MME: variants seen among roughly 807,000 people sequenced by gnomAD.
MME encodes membrane metalloendopeptidase.
A neutral mutation model predicts 113.2 loss-of-function variants in MME; 98 were observed. That is an observed-to-expected ratio of 0.87 (90% CI 0.74 to 1.02). The LOEUF (loss-of-function observed/expected upper bound fraction) is 1.02. Among genes scored for constraint, MME ranks in the 50% least tolerant of loss-of-function variants. The pLI is 0.00. For synonymous variants in MME, 292 were observed against 300.6 expected, an observed-to-expected ratio of 0.97 and a Z score of 0.30; for missense variants, 836 against 896.0, an observed-to-expected ratio of 0.93 and a Z score of 0.86.
intron 3 of MME, among the ~76,000 whole-genome samples, chr3:155,105,587 AG>A (rs1717617777): frequency 6.6e-6 from 1 of 152,216 alleles, no homozygotes; most frequent in African/African-American, 2.4e-5. Context: ...AACCCAAGGC[AG>A]TTTCACATAG....
intron 3 of MME, among the ~76,000 whole-genome samples, chr3:155,094,809 C>T (rs1304203800): frequency 6.6e-6 from 1 of 152,182 alleles, no homozygotes; most frequent in Non-Finnish European, 1.5e-5. Context: ...CTGCACTCAC[C>T]CTTGCCAGTA....
upstream of MME, chr3:155,080,097 G>C (rs1285809300): frequency 1.3e-5 from 2 of 153,018 alleles, no homozygotes; most frequent in East Asian, 3.9e-4. Context: ...GGAGGGCAGA[G>C]CCAGCCGAGG....
chr3:155,077,451 T>A (rs564302697), upstream of MME, among the ~76,000 whole-genome samples: 1 of 152,164 alleles, frequency 6.6e-6, no homozygotes, highest in Non-Finnish European at 1.5e-5. Flanking sequence ...CTGTAAATAG[T>A]TGGGGACTCT....
chr3:155,129,586 AG>A (rs1719970308), intron 8 of MME, among the ~76,000 whole-genome samples: 1 of 152,158 alleles, frequency 6.6e-6, no homozygotes, highest in Non-Finnish European at 1.5e-5. Context: ...CATCTCAGAA[AG>A]GGGCCCACAT....
intron 22 of MME, 110 bp downstream of exon 22, chr3:155,172,722 GCT>G: frequency 1.3e-6 from 1 of 747,868 alleles, no homozygotes; most frequent in South Asian, 1.6e-5. Context: ...GAAATTCAGT[GCT>G]TTTTTTTTTT....
intron 15 of MME, 40 bp downstream of exon 15, chr3:155,147,264 A>G (rs780576610): frequency 8.1e-7 from 1 of 1,237,074 alleles, no homozygotes; most frequent in East Asian, 2.3e-5. Flanking sequence ...ACTGATACTT[A>G]GGGCTGGTAG....
At chr3:155,110,041 G>C (rs141862680) in intron 3 of MME, among the ~76,000 whole-genome samples, 1 of 152,328 alleles carries the variant, frequency 6.6e-6, no homozygotes, top group Non-Finnish European at 1.5e-5. Context: ...TCCTGCCTTT[G>C]TCCCAACAAG....
At chr3:155,082,341 G>A (rs1467766230) in intron 1 of MME, among the ~76,000 whole-genome samples, 6 of 152,202 alleles carry the variant, frequency 3.9e-5, no homozygotes, top group Admixed American at 3.9e-4. Flanking sequence ...TCAGGAAAGG[G>A]AAATACTTTA....
At chr3:155,067,672 A>T (rs1576680769) in intron 1 of MME, among the ~76,000 whole-genome samples, 1 of 152,144 alleles carries the variant, frequency 6.6e-6, no homozygotes, top group Non-Finnish European at 1.5e-5. Flanking sequence ...TAACAAATAG[A>T]CACATGAAAA....
In MME at chr3:155,084,255, A is replaced by G; in HGVS notation, c.88A>G (p.Ser30Gly). 2 of 1,614,210 alleles carry G rather than the reference A, an allele frequency of 1.2e-6. No individual in the cohort carries two copies. The highest frequency in any genetic ancestry group is 1.7e-6 in the Non-Finnish European group (2 of 1,180,020). Residue 30 changes from serine to glycine, a missense_variant, in exon 2 of 23, where the codon AGC (serine) becomes GGC (glycine). Coordinates refer to ENST00000360490, the MANE Select transcript of MME (RefSeq NM_007289.4). ...ACAGCGATGGACTCCACTGGAGATC[A>G]GCCTCTCGGTCCTTGTCCTGCTCCT... ...KKQRWTPLEI[S>G]LSVLVLLLTI... is the part of the protein sequence containing the mutation.
intron 8 of MME, 56 bp from the exon 9 acceptor site, chr3:155,138,046 A>G: frequency 6.3e-7 from 1 of 1,584,932 alleles, no homozygotes; most frequent in Non-Finnish European, 8.7e-7. Flanking sequence ...AATTTTAAGT[A>G]CCATGATGAA....
chr3:155,174,096 A>G (rs567114018), intron 22 of MME, among the ~76,000 whole-genome samples: 10 of 152,158 alleles, frequency 6.6e-5, no homozygotes, highest in African/African-American at 2.4e-4. Flanking sequence ...CTATCAGTCA[A>G]GGCTTTTTTG....
intron 3 of MME, among the ~76,000 whole-genome samples, chr3:155,104,418 A>T (rs1405279266): frequency 6.6e-6 from 1 of 152,224 alleles, no homozygotes; most frequent in Non-Finnish European, 1.5e-5. Context: ...TACTAAATTT[A>T]TTAGTGCTCT....
intron 3 of MME, among the ~76,000 whole-genome samples, chr3:155,104,602 G>C (rs577503204): frequency 1.1e-3 from 174 of 152,256 alleles, no homozygotes; most frequent in Non-Finnish European, 2.0e-3. Flanking sequence ...AAGTCAGCTG[G>C]TTATTCTTGA....
At chr3:155,116,390 A>C (rs1464632175) in intron 4 of MME, 89 bp from the exon 5 acceptor site, 4 of 1,010,554 alleles carry the variant, frequency 4.0e-6, no homozygotes, top group Non-Finnish European at 6.3e-6. Flanking sequence ...CCCACTTTGC[A>C]AATGTTAATT....
chr3:155,147,374 A>G (rs1576643723), intron 15 of MME, 150 bp downstream of exon 15: 1 of 655,606 alleles, frequency 1.5e-6, no homozygotes. Flanking sequence ...CCAGAATGAT[A>G]TTTGTTTTAG....
intron 14 of MME, among the ~76,000 whole-genome samples, chr3:155,144,937 T>A (rs61758202): frequency 4.5e-4 from 69 of 152,210 alleles, no homozygotes; most frequent in Non-Finnish European, 8.5e-4. Context: ...ACTGTTAACA[T>A]GCTTTATGAG....
intron 3 of MME, among the ~76,000 whole-genome samples, chr3:155,099,680 G>A (rs61763217): frequency 0.022 from 3,300 of 152,250 alleles, 64 homozygotes; most frequent in Middle Eastern, 0.082. Flanking sequence ...ATAGTTTGCC[G>A]AGAATGATGG....
chr3:155,092,764 G>A (rs2108195117), intron 3 of MME, among the ~76,000 whole-genome samples: 1 of 152,280 alleles, frequency 6.6e-6, no homozygotes, highest in East Asian at 1.9e-4. Flanking sequence ...ACTGCATATT[G>A]TAAAATTCAA....
Sources: allele counts gnomAD v4.1 joint callset (sites outside exome capture counted in the v4.1 genomes callset), GRCh38; gene constraint gnomAD v4.1.1; transcripts MANE v1.5; gene names NCBI Gene and HGNC (gene_info 2026-07-23, HGNC 2026-07-21).